TTLL10: variants seen among roughly 807,000 people sequenced by gnomAD.
TTLL10 encodes the protein inactive polyglycylase TTLL10.
Under a neutral mutation model 69.0 loss-of-function variants are expected in TTLL10, and 61 were observed. That is an observed-to-expected ratio of 0.88 (90% CI 0.72 to 1.09). The LOEUF is 1.09. Ranked by LOEUF, TTLL10 falls within the 50% of genes least tolerant of loss-of-function variation. The pLI, the probability that TTLL10 is intolerant of heterozygous loss-of-function variation, is 0.00. For missense variants in TTLL10, 962 were observed against 945.9 expected (o/e 1.02, Z -0.22); for synonymous variants, 408 against 393.3 (o/e 1.04, Z -0.44).
In TTLL10 at chr1:1,184,930, C is replaced by T. The variant is rs1163143241; in HGVS notation, c.1261-39C>T. On this transcript the variant is annotated intron_variant, in intron 12 of 15. Transcript: ENST00000379289. The stretch of plus-strand genomic sequence containing the variant: ...CCCCCGTGAGGACAGGCCCTCCGGA[C>T]AGTCTGGGAGCCAGTCTCCAGGCAC... The T allele has an allele frequency of 3.3e-6, 5 of 1,499,900 alleles. No homozygotes were observed. The African/African-American group carries it at 7.1e-5, about 21-fold the overall frequency. 92.9% of individuals were successfully genotyped at this position (1,499,900 alleles called of 1,614,324 possible). A position where few individuals can be genotyped will look rare whatever the true frequency, so the allele number is the denominator to read the frequency against.
At chr1:1,179,845 T>C in intron 5 of TTLL10, 108 bp downstream of exon 5, 1 of 1,448,874 alleles carries the variant, frequency 6.9e-7, no homozygotes, top group Non-Finnish European at 9.1e-7. Context: ...TCACGGCCCC[T>C]CCCCAGATGT....
rs977561966 is a variant in TTLL10, at chr1:1,180,345, G to C, written c.506+5G>C. The C allele has an allele frequency of 6.4e-7, 1 of 1,560,582 alleles. No individual in the cohort carries two copies. The highest frequency in any genetic ancestry group is 1.4e-5 in the African/African-American group (1 of 73,634). On this transcript the variant is annotated splice_donor_5th_base_variant and intron_variant, in intron 6 of 15. Transcript: ENST00000379289. ...AGGCAGCAACGGGGCCACAATGTGA[G>C]TAGCGGCCCTGGGCGCCCGTGGTCC... is the stretch of plus-strand genomic sequence containing the variant.
chr1:1,192,397 A>T (rs1202047504), intron 13 of TTLL10, among the ~76,000 whole-genome samples: 1 of 152,252 alleles, frequency 6.6e-6, no homozygotes, highest in Non-Finnish European at 1.5e-5. Context: ...ATAAGTGTAG[A>T]CACTCCAGTT....
Position 1,179,808 on chromosome 1 carries a change from G to A in TTLL10, c.199+71G>A, listed in dbSNP as rs371866804. 2.8e-5 allele frequency: 42 copies of A among 1,476,692 alleles called. 1 individual carries two copies. The highest frequency in any genetic ancestry group is 9.8e-5 in the African/African-American group (7 of 71,380). The allele number at this position is 1,476,692 out of a possible 1,614,324, so 91.5% of individuals were successfully genotyped here. A position where few individuals can be genotyped will look rare whatever the true frequency, so the allele number is the denominator to read the frequency against. ...TCCCCACCCCCACCTGGAACCTGCC[G>A]GCAGGAAGCCTGGCCCTGGAGGGTG... On this transcript the variant is annotated intron_variant, in intron 5 of 15. Coordinates refer to ENST00000379289, the MANE Select transcript of TTLL10 (RefSeq NM_001130045.2).
Position 1,180,746 on chromosome 1 carries a change from A to T in TTLL10, c.641A>T (p.Tyr214Phe), listed in dbSNP as rs1647031491. 1 of 1,607,638 alleles carries T rather than the reference A, an allele frequency of 6.2e-7. No individual in the cohort carries two copies. Among genetic ancestry groups the T allele is most frequent in the Non-Finnish European group, 8.5e-7 (1 of 1,177,566 alleles). The change falls in exon 8 of 16, where the codon TAC becomes TTC. Residue 214 changes from tyrosine to phenylalanine, a missense_variant. By Grantham distance (22) the Tyr-to-Phe change is conservative (BLOSUM62 3). Coordinates refer to ENST00000379289, the MANE Select transcript of TTLL10 (RefSeq NM_001130045.2). ...GSFREGEQLL[Y>F]QLPNNKLLTT... Reference sequence around the variant, plus strand: ...TGACCTCCAGGAGAGCAGCTGCTGTACCAGCTTCCCAACAACAAGCTCCTC... The same window carrying T: ...TGACCTCCAGGAGAGCAGCTGCTGTTCCAGCTTCCCAACAACAAGCTCCTC...
In TTLL10 at chr1:1,191,877, G is replaced by A. The variant is rs192599180; in HGVS notation, c.1402-4723G>A. Among the ~76,000 whole-genome samples the A allele has an allele frequency of 2.5e-3, 388 of 152,372 alleles. 1 individual carries two copies. Among genetic ancestry groups the A allele is most frequent in the Non-Finnish European group, 4.4e-3 (299 of 68,028 alleles). ...GGCTAGTTAACTGCATCAGGAACAC[G>A]CCCTTAAGACACAGATCGCTCCTGC... On this transcript the variant is annotated intron_variant, in intron 13 of 15. Transcript: ENST00000379289.
At position 1,191,979 on chromosome 1, in the gene TTLL10, G is replaced by A. The variant is rs1426473317; in HGVS notation, c.1402-4621G>A. ...CCAGGTGTTCCTTGCCCTCATTCCC[G>A]TCAACCCACAACCTCCCAGCGTGGG... On this transcript the variant is annotated intron_variant, in intron 13 of 15. Coordinates refer to ENST00000379289, the MANE Select transcript of TTLL10 (RefSeq NM_001130045.2). Among the ~76,000 whole-genome samples, 5 of 152,210 alleles carry A rather than the reference G, an allele frequency of 3.3e-5. No individual in the cohort carries two copies. The East Asian group carries it at 5.8e-4, about 18-fold the overall frequency.
At chr1:1,180,431 C>T in intron 6 of TTLL10, 52 bp from the exon 7 acceptor site, 1 of 1,526,816 alleles carries the variant, frequency 6.5e-7, no homozygotes, top group Admixed American at 2.0e-5. Context: ...CGCCCGCCAT[C>T]CCCAACCCCT....
Position 1,182,465 on chromosome 1 carries a change from G to C in TTLL10, c.916+19G>C, listed in dbSNP as rs1280363036. On this transcript the variant is annotated intron_variant, in intron 10 of 15. Coordinates refer to ENST00000379289, the MANE Select transcript of TTLL10 (RefSeq NM_001130045.2). ...TTTGATGGTGAGACGCTGCTGGCCGGACACCAGGCTGGCCCTGGGGAGACA... is the reference window on the plus strand; with the variant it reads ...TTTGATGGTGAGACGCTGCTGGCCGCACACCAGGCTGGCCCTGGGGAGACA... 3 of 1,612,942 alleles carry C rather than the reference G, an allele frequency of 1.9e-6. No homozygotes were observed. The Admixed American group carries it at 5.0e-5, about 27-fold the overall frequency.
In TTLL10 at chr1:1,185,418, C is replaced by A. The variant is rs1315981864; in HGVS notation, c.1401+309C>A. On this transcript the variant is annotated intron_variant, in intron 13 of 15. Transcript: ENST00000379289. The surrounding 1 kb of genome is among the most constrained non-coding windows in gnomAD (Gnocchi z 6.1). Reference sequence around the variant, plus strand: ...CAGTGACAGCCACCATGTGAAGAGTCTTTGTTCCTTTCAGATCCTCCACTT... The same window carrying A: ...CAGTGACAGCCACCATGTGAAGAGTATTTGTTCCTTTCAGATCCTCCACTT... 2 of 1,207,796 alleles carry A rather than the reference C, an allele frequency of 1.7e-6. No individual in the cohort carries two copies. Among genetic ancestry groups the A allele is most frequent in the Non-Finnish European group, 2.1e-6 (2 of 969,340 alleles). The allele number at this position is 1,207,796 out of a possible 1,614,324, so 74.8% of individuals were successfully genotyped here.
intron 5 of TTLL10, 35 bp downstream of exon 5, chr1:1,179,772 CT>C (rs1159288005): frequency 6.6e-7 from 1 of 1,516,262 alleles, no homozygotes; most frequent in African/African-American, 1.4e-5. Flanking sequence ...TCCCTGCCCC[CT>C]GCTCCAAGCT....
chr1:1,196,191 T>C (rs1648197185), intron 13 of TTLL10, among the ~76,000 whole-genome samples: 1 of 152,370 alleles, frequency 6.6e-6, no homozygotes, highest in East Asian at 1.9e-4. Flanking sequence ...TCTCCAGTTC[T>C]GGGGATGCAT....
At position 1,185,770 on chromosome 1, in the gene TTLL10, C is replaced by T; in HGVS notation, c.1401+661C>T. 1 of 985,514 alleles carries T rather than the reference C, an allele frequency of 1.0e-6. No individual in the cohort carries two copies. Among genetic ancestry groups the T allele is most frequent in the Non-Finnish European group, 1.2e-6 (1 of 829,970 alleles). 61.0% of individuals were successfully genotyped at this position (985,514 alleles called of 1,614,324 possible). On this transcript the variant is annotated intron_variant, in intron 13 of 15. Transcript: ENST00000379289. The surrounding 1 kb of genome is among the most constrained non-coding windows in gnomAD (Gnocchi z 6.1). ...GCGTGTGTCACTGTGGCTGGGACGG[C>T]AGCGCTCAGAGGAGCCTCCAGTTAC...
At position 1,197,866 on chromosome 1, in the gene TTLL10, A is replaced by AGCGCCCCGCGCCCC. The variant is rs758076350; in HGVS notation, c.*27_*40dup. 1 of 1,421,202 alleles carries AGCGCCCCGCGCCCC rather than the reference A, an allele frequency of 7.0e-7. No individual in the cohort carries two copies. Among genetic ancestry groups the AGCGCCCCGCGCCCC allele is most frequent in the Middle Eastern group, 2.4e-4 (1 of 4,112 alleles). The allele number at this position is 1,421,202 out of a possible 1,614,324, so 88.0% of individuals were successfully genotyped here. ...GCCCTAGGGGCAGCCACCCGCGCCC[A>AGCGCCCCGCGCCCC]GCGCCCCGCGCCCCGCGCCCCAGCC... is the stretch of plus-strand genomic sequence containing the variant. On this transcript the variant is annotated 3_prime_UTR_variant, in exon 16 of 16. Coordinates refer to ENST00000379289, the MANE Select transcript of TTLL10 (RefSeq NM_001130045.2).
Position 1,192,814 on chromosome 1 carries a change from C to CAGTTGGTATGAGTGTAGACACTCA in TTLL10, c.1402-3763_1402-3762insAAGTTGGTATGAGTGTAGACACTC, listed in dbSNP as rs1557490564. On this transcript the variant is annotated intron_variant, in intron 13 of 15. Transcript: ENST00000379289. ...CCAGTTGGTATGAGTGTAGACACTC[C>CAGTTGGTATGAGTGTAGACACTCA]AGTTGGTATGAGTGTAGACACTCCA... Among the ~76,000 whole-genome samples the CAGTTGGTATGAGTGTAGACACTCA allele has an allele frequency of 5.1e-3, 731 of 144,272 alleles. 21 individuals carry two copies. The highest frequency in any genetic ancestry group is 0.02 in the African/African-American group (673 of 34,120). 94.6% of individuals were successfully genotyped at this position (144,272 alleles called of 152,430 possible).
chr1:1,183,866 C>A, intron 11 of TTLL10, 54 bp from the exon 12 acceptor site: 1 of 1,605,286 alleles, frequency 6.2e-7, no homozygotes, highest in Non-Finnish European at 8.5e-7. Context: ...TGAGGGGATG[C>A]AGGCCAGGCT....
At chr1:1,192,797 T>C (rs1430353975) in intron 13 of TTLL10, among the ~76,000 whole-genome samples, 2 of 120,342 alleles carry the variant, frequency 1.7e-5, no homozygotes, top group Non-Finnish European at 3.7e-5. Context: ...CTCCAGTTGG[T>C]ATGAGTGTAG....
Position 1,181,656 on chromosome 1 carries a change from C to T in TTLL10, c.756-85C>T. The T allele has an allele frequency of 1.5e-6, 2 of 1,299,380 alleles. No homozygotes were observed. The highest frequency in any genetic ancestry group is 2.1e-6 in the Non-Finnish European group (2 of 933,486). 80.5% of individuals were successfully genotyped at this position (1,299,380 alleles called of 1,614,324 possible). On this transcript the variant is annotated intron_variant, in intron 8 of 15. Transcript: ENST00000379289. This position sits in a 1 kb window ranked among gnomAD's most constrained non-coding sequence, Gnocchi z 4.6. ...CAACTCACAGTCCGCCCACTCACCACCCATGCCCCATCCCCCAGTCCCCAC... is the reference window on the plus strand; with the variant it reads ...CAACTCACAGTCCGCCCACTCACCATCCATGCCCCATCCCCCAGTCCCCAC...
rs1331237872 is a variant in TTLL10 at position 1,182,885 on chromosome 1, T to C, written c.926T>C (p.Ile309Thr). The change falls in exon 11 of 16, where the codon ATA (isoleucine) becomes ACA (threonine). Residue 309 changes from isoleucine to threonine, a missense_variant. Ile to Thr is a moderately conservative substitution (Grantham distance 89, BLOSUM62 -1). Coordinates refer to ENST00000379289, the MANE Select transcript of TTLL10 (RefSeq NM_001130045.2). ...GCCGCGCTCTCTGCAGAAACCCAGA[T>C]ATGGATCTGCAAGCCCACAGCCTCC... Reference protein sequence around the residue: ...AFFTLFDETQIWICKPTASNQ... With the variant: ...AFFTLFDETQTWICKPTASNQ... 6.3e-7 allele frequency: 1 copy of C among 1,584,538 alleles called. No homozygotes were observed.
Sources: allele counts gnomAD v4.1 joint callset (sites outside exome capture counted in the v4.1 genomes callset), GRCh38; gene constraint gnomAD v4.1.1; non-coding constraint Gnocchi (gnomAD v3.1); transcripts MANE v1.5; gene names NCBI Gene and HGNC (gene_info 2026-07-23, HGNC 2026-07-21).